The following BLM variants were observed in gnomAD, a reference collection of about 807,000 sequenced individuals.
BLM encodes BLM RecQ like helicase.
In BLM, 95 loss-of-function variants were observed where a neutral mutation model predicts 135.3. That is an observed-to-expected ratio of 0.70 (90% confidence interval 0.59 to 0.83). The LOEUF (loss-of-function observed/expected upper bound fraction) is 0.83, where lower values mean the gene tolerates loss of function less well. Ranked by LOEUF, BLM falls within the 40% of genes least tolerant of loss-of-function variation. The pLI is 0.00. For missense variants in BLM, 1,518 were observed against 1,663.9 expected (o/e 0.91, Z 1.53); for synonymous variants, 520 against 589.2 (o/e 0.88, Z 1.70).
At chr15:90,797,763 C>T (rs1897064333) in intron 16 of BLM, among the ~76,000 whole-genome samples, 2 of 152,092 alleles carry the variant, frequency 1.3e-5, no homozygotes, top group Admixed American at 1.3e-4. Context: ...AGAAAGGAAA[C>T]TAGCAGGAGA....
chr15:90,723,342 T>C (rs562769368), intron 1 of BLM, among the ~76,000 whole-genome samples: 1 of 151,738 alleles, frequency 6.6e-6, no homozygotes, highest in African/African-American at 2.4e-5. Context: ...AGTTTTTCTT[T>C]TCTTTTTTTT....
rs777489416 is a variant in BLM at position 90,815,292 on chromosome 15, A to T, written c.*13A>T. ...TGCATTCTCATAACAACCGAATCTC[A>T]ATGTACATAGACCCTCTTTCTTGTT... On this transcript the variant is annotated 3_prime_UTR_variant, in exon 22 of 22. Coordinates refer to ENST00000355112, the MANE Select transcript of BLM (RefSeq NM_000057.4). The surrounding 1 kb of genome is among the most constrained non-coding windows in gnomAD (Gnocchi z 4.6). 1 of 1,610,400 alleles carries T rather than the reference A, an allele frequency of 6.2e-7. No individual in the cohort carries two copies. Among genetic ancestry groups the T allele is most frequent in the South Asian group, 1.1e-5 (1 of 90,998 alleles).
intron 7 of BLM, chr15:90,762,544 T>TAAA: frequency 2.0e-5 from 4 of 199,700 alleles, no homozygotes; most frequent in South Asian, 8.4e-5. Flanking sequence ...GGGTCATGTT[T>TAAA]AAGATCATAG....
intron 1 of BLM, among the ~76,000 whole-genome samples, chr15:90,732,509 C>T (rs76555133): frequency 0.02 from 2,982 of 148,716 alleles, 61 homozygotes; most frequent in African/African-American, 0.041. Context: ...TTGAAAACAA[C>T]TATTGGATGT....
chr15:90,733,095 A>G (rs911506102), intron 1 of BLM, among the ~76,000 whole-genome samples: 5 of 152,214 alleles, frequency 3.3e-5, no homozygotes, highest in Non-Finnish European at 7.3e-5. Flanking sequence ...TATGTCTCAA[A>G]AAAATTAAAA....
At chr15:90,767,307 T>C (rs1896161605) in intron 10 of BLM, among the ~76,000 whole-genome samples, 1 of 152,220 alleles carries the variant, frequency 6.6e-6, no homozygotes, top group Admixed American at 6.6e-5. Flanking sequence ...ATAACCTCAG[T>C]ACAATGATCA....
chr15:90,784,063 G>T (rs1010121819), intron 13 of BLM, among the ~76,000 whole-genome samples: 4 of 151,628 alleles, frequency 2.6e-5, no homozygotes, highest in Admixed American at 6.6e-5. Context: ...TATATCATGA[G>T]CATTTTCCCA....
rs377501258 is a variant in BLM at position 90,754,970 on chromosome 15, T to C, written c.1087+32T>C. 3 of 1,611,668 alleles carry C rather than the reference T, an allele frequency of 1.9e-6. No homozygotes were observed. The African/African-American group carries it at 4.0e-5, about 21-fold the overall frequency. ...GCAATATTTTAGACATACCATGTAT[T>C]TCAACTACTTACTTTTGAAAACAAC... On this transcript the variant is annotated intron_variant, in intron 5 of 21. Transcript: ENST00000355112.
In BLM at chr15:90,804,215, G is replaced by A. The variant is rs1335563585; in HGVS notation, c.3607G>A (p.Ala1203Thr). 6.2e-7 allele frequency: 1 copy of A among 1,614,088 alleles called. No homozygotes were observed. The highest frequency in any genetic ancestry group is 8.5e-7 in the Non-Finnish European group (1 of 1,179,988). Residue 1203 changes from alanine to threonine, a missense_variant, in exon 19 of 22, where the codon GCG (alanine) becomes ACG (threonine). This residue lies in a region of BLM where 626 missense variants were observed against 681.1 expected (regional missense o/e 0.92). Coordinates refer to ENST00000355112, the MANE Select transcript of BLM (RefSeq NM_000057.4). ...TTCCAGCAGTGTGAAAAAACAAAAAGCGTTAGTAGCAAAAGTGTCTCAGAG... is the reference window on the plus strand; with the variant it reads ...TTCCAGCAGTGTGAAAAAACAAAAAACGTTAGTAGCAAAAGTGTCTCAGAG... The part of the protein sequence containing the change: ...ENSSSVKKQK[A>T]LVAKVSQREE...
At chr15:90,769,284 A>G in intron 11 of BLM, 53 bp downstream of exon 11, 2 of 1,533,784 alleles carry the variant, frequency 1.3e-6, no homozygotes, top group Non-Finnish European at 1.8e-6. Context: ...ACTACCAACA[A>G]TATATGTATT....
chr15:90,806,123 G>A (rs1255467614), intron 19 of BLM, among the ~76,000 whole-genome samples: 1 of 152,136 alleles, frequency 6.6e-6, no homozygotes, highest in Non-Finnish European at 1.5e-5. Context: ...AGTTTAATTA[G>A]CAGAATTTTT....
chr15:90,789,108 C>G (rs1896835545), intron 14 of BLM, among the ~76,000 whole-genome samples: 1 of 150,016 alleles, frequency 6.7e-6, no homozygotes, highest in Non-Finnish European at 1.5e-5. Context: ...TTATAAAAAC[C>G]TAATTATTTC....
chr15:90,744,037 A>G (rs1427545192), intron 1 of BLM, among the ~76,000 whole-genome samples: 1 of 152,240 alleles, frequency 6.6e-6, no homozygotes, highest in Non-Finnish European at 1.5e-5. Flanking sequence ...AAGTAGACAT[A>G]TAAAACCATG....
intron 17 of BLM, 105 bp downstream of exon 17, chr15:90,798,442 AC>A: frequency 8.0e-7 from 1 of 1,242,762 alleles, no homozygotes; most frequent in Non-Finnish European, 1.1e-6. Flanking sequence ...TTCTTATAAA[AC>A]TTGAGTTTCT....
chr15:90,768,336 A>G (rs1896195669), intron 10 of BLM, among the ~76,000 whole-genome samples: 1 of 152,160 alleles, frequency 6.6e-6, no homozygotes, highest in Non-Finnish European at 1.5e-5. Flanking sequence ...TAATTGTCCT[A>G]CATGTGACCA....
intron 4 of BLM, 115 bp from the exon 5 acceptor site, chr15:90,754,696 C>G: frequency 1.7e-6 from 2 of 1,194,490 alleles, no homozygotes; most frequent in Non-Finnish European, 2.3e-6. Context: ...AACTACTTCT[C>G]TTTTCTGTTA....
chr15:90,795,869 G>A (rs1219150931), intron 16 of BLM, among the ~76,000 whole-genome samples: 1 of 152,228 alleles, frequency 6.6e-6, no homozygotes, highest in East Asian at 1.9e-4. Flanking sequence ...ATTAGACGGG[G>A]TGGTCCTTGG....
chr15:90,804,864 T>G (rs921370109), intron 19 of BLM, among the ~76,000 whole-genome samples: 1 of 152,134 alleles, frequency 6.6e-6, no homozygotes, highest in African/African-American at 2.4e-5. Flanking sequence ...GAGACGGAGT[T>G]TCACTCTTAT....
At chr15:90,785,130 T>C (rs1205665813) in intron 14 of BLM, 49 bp downstream of exon 14, 3 of 1,565,332 alleles carry the variant, frequency 1.9e-6, no homozygotes, top group Admixed American at 1.7e-5. Context: ...TTTTATAGCA[T>C]ATAACCAAAC....
Sources: gnomAD v4.1 joint callset for allele counts (sites outside exome capture counted in the v4.1 genomes callset) on GRCh38, gnomAD v4.1.1 for gene constraint, gnomAD v4.1.1 regional missense constraint, Gnocchi (gnomAD v3.1) non-coding constraint, MANE v1.5 for transcripts, NCBI Gene and HGNC (gene_info 2026-07-23, HGNC 2026-07-21) for gene names.